Variants in MALRD1 observed in about 807,000 individuals in gnomAD.
MALRD1 encodes the protein MAM and LDL receptor class A domain containing 1, also known as MAM and LDL-receptor class A domain-containing protein 1.
In MALRD1, 247 loss-of-function variants were observed where a neutral mutation model predicts 242.1. The ratio of observed to expected loss-of-function variants is 1.02; its 90% CI spans 0.92 to 1.13. The LOEUF (loss-of-function observed/expected upper bound fraction) is 1.13. MALRD1 is among the 50% of genes most tolerant of loss of function. The probability of loss-of-function intolerance (pLI) is 0.00; values close to 1 mark genes in which losing one functional copy is unlikely to be tolerated. For missense variants in MALRD1, 2,989 were observed against 2,533.1 expected (o/e 1.18, Z -3.86); for synonymous variants, 995 against 866.6 (o/e 1.15, Z -2.60).
chr10:19,684,845 C>A lies in MALRD1; in HGVS notation c.6138-7437C>A, dbSNP rs147520848. Among the ~76,000 whole-genome samples the A allele has an allele frequency of 3.9e-3, 597 of 152,222 alleles. 4 individuals carry two copies. Among genetic ancestry groups the A allele is most frequent in the African/African-American group, 0.014 (567 of 41,518 alleles). On this transcript the variant is annotated intron_variant, in intron 36 of 39. Coordinates refer to ENST00000454679, the MANE Select transcript of MALRD1 (RefSeq NM_001142308.3). The stretch of plus-strand genomic sequence containing the variant: ...TTATAAATCGAATCTGGAATATATT[C>A]CAAACATACTGCTTCTGAAGGAATT...
intron 5 of MALRD1, among the ~76,000 whole-genome samples, chr10:19,105,198 C>G (rs905105831): frequency 3.9e-5 from 6 of 151,964 alleles, no homozygotes; most frequent in African/African-American, 1.4e-4. Flanking sequence ...CTGGTAACCA[C>G]TATTCTACAC....
chr10:19,256,974 A>G (rs968088163), intron 18 of MALRD1, among the ~76,000 whole-genome samples: 2 of 152,128 alleles, frequency 1.3e-5, no homozygotes, highest in African/African-American at 2.4e-5. Flanking sequence ...AAGTATTAAA[A>G]TAATTCATCA....
chr10:19,654,133 C>T (rs141812363), intron 36 of MALRD1, among the ~76,000 whole-genome samples: 7 of 152,132 alleles, frequency 4.6e-5, no homozygotes, highest in African/African-American at 7.2e-5. Flanking sequence ...TTTGAAATGA[C>T]AAAATGATTT....
At chr10:19,699,908 G>A (rs528526525) in intron 38 of MALRD1, among the ~76,000 whole-genome samples, 1 of 151,402 alleles carries the variant, frequency 6.6e-6, no homozygotes, top group South Asian at 2.1e-4. Flanking sequence ...TCCAACACTG[G>A]GGATTACAAT....
At chr10:19,581,905 T>C (rs1375876357) in intron 33 of MALRD1, among the ~76,000 whole-genome samples, 1 of 152,244 alleles carries the variant, frequency 6.6e-6, no homozygotes, top group African/African-American at 2.4e-5. Flanking sequence ...TTTTTAATGA[T>C]TCCCATTCTA....
intron 21 of MALRD1, among the ~76,000 whole-genome samples, chr10:19,317,444 C>CT (rs375476999): frequency 4.1e-4 from 62 of 152,064 alleles, no homozygotes; most frequent in Non-Finnish European, 8.1e-4. Flanking sequence ...GGTATGGACT[C>CT]TAAACATTCA....
chr10:19,071,577 AT>A (rs1272199134), intron 2 of MALRD1, among the ~76,000 whole-genome samples: 6 of 151,804 alleles, frequency 4.0e-5, no homozygotes, highest in Non-Finnish European at 7.4e-5. Flanking sequence ...CAGCTTATAG[AT>A]TTTTCTTGTT....
At chr10:19,208,869 T>C (rs1836908933) in intron 17 of MALRD1, among the ~76,000 whole-genome samples, 1 of 152,188 alleles carries the variant, frequency 6.6e-6, no homozygotes, top group South Asian at 2.1e-4. Flanking sequence ...TCAGTGTTTG[T>C]TTGTTTTTTA....
chr10:19,279,439 G>A (rs921608535), intron 19 of MALRD1, among the ~76,000 whole-genome samples: 5 of 152,014 alleles, frequency 3.3e-5, no homozygotes, highest in Admixed American at 2.6e-4. Flanking sequence ...CATCTACCAC[G>A]TGTATGGCAC....
intron 7 of MALRD1, 97 bp downstream of exon 7, chr10:19,124,767 A>G: frequency 2.0e-6 from 2 of 977,682 alleles, no homozygotes; most frequent in Non-Finnish European, 2.6e-6. Context: ...TGGTGAATAT[A>G]CTGAGTATAT....
chr10:19,130,816 A>G (rs571559549), intron 8 of MALRD1, among the ~76,000 whole-genome samples: 11 of 152,300 alleles, frequency 7.2e-5, no homozygotes, highest in African/African-American at 2.4e-4. Context: ...AGAACCATAC[A>G]AGAAAAGAGT....
chr10:19,605,370 GT>G (rs1371815400), intron 34 of MALRD1, among the ~76,000 whole-genome samples: 2 of 151,156 alleles, frequency 1.3e-5, no homozygotes, highest in Non-Finnish European at 2.9e-5. Flanking sequence ...AGTTCACCAT[GT>G]TGGCCAGGCT....
At chr10:19,334,029 G>C (rs970805038) in intron 24 of MALRD1, among the ~76,000 whole-genome samples, 27 of 150,744 alleles carry the variant, frequency 1.8e-4, no homozygotes, top group African/African-American at 6.3e-4. Flanking sequence ...ATTCTTTATG[G>C]ATTCAGGAAA....
rs184970721 is a variant in MALRD1, at chr10:19,714,940, A to C, written c.6315-15766A>C. ...AATAGAACTTGGGAAATCCAACTAC[A>C]TGGGTTTAAAATAATTTAAAATGTT... is the stretch of plus-strand genomic sequence containing the variant. On this transcript the variant is annotated intron_variant, in intron 38 of 39. Coordinates refer to ENST00000454679, the MANE Select transcript of MALRD1 (RefSeq NM_001142308.3). 1.9e-3 allele frequency among the ~76,000 whole-genome samples: 292 copies of C among 152,280 alleles called. 5 individuals are homozygous for C. The highest frequency in any genetic ancestry group is 0.018 in the Admixed American group (271 of 15,290).
intron 2 of MALRD1, among the ~76,000 whole-genome samples, chr10:19,082,015 A>G (rs1302723924): frequency 6.6e-6 from 1 of 151,858 alleles, no homozygotes; most frequent in East Asian, 1.9e-4. Context: ...TTATGATTAT[A>G]CCTATCATCA....
At chr10:19,561,711 A>C (rs989283334) in intron 32 of MALRD1, among the ~76,000 whole-genome samples, 1 of 45,688 alleles carries the variant, frequency 2.2e-5, no homozygotes, top group East Asian at 1.0e-3. Flanking sequence ...ATTGCCTCTC[A>C]GCATTTTTTT....
intron 21 of MALRD1, among the ~76,000 whole-genome samples, chr10:19,286,164 G>A (rs1841101105): frequency 7.0e-6 from 1 of 143,544 alleles, no homozygotes; most frequent in African/African-American, 2.6e-5. Context: ...CTGAGACGAT[G>A]GGGTTTTCTA....
chr10:19,656,920 G>T (rs1026060049), intron 36 of MALRD1, among the ~76,000 whole-genome samples: 1 of 152,038 alleles, frequency 6.6e-6, no homozygotes, highest in Non-Finnish European at 1.5e-5. Flanking sequence ...GCTATCTATC[G>T]ATCTGGTTTG....
At chr10:19,141,475 A>G (rs1467716883) in intron 10 of MALRD1, among the ~76,000 whole-genome samples, 4 of 152,154 alleles carry the variant, frequency 2.6e-5, no homozygotes, top group Non-Finnish European at 5.9e-5. Context: ...TTGTACGACA[A>G]TGGGAATGTA....
Sources: allele counts gnomAD v4.1 joint callset (sites outside exome capture counted in the v4.1 genomes callset), GRCh38; gene constraint gnomAD v4.1.1; transcripts MANE v1.5; gene names NCBI Gene and HGNC (gene_info 2026-07-23, HGNC 2026-07-21).